Variants in FSHR observed in about 807,000 individuals in gnomAD.
FSHR encodes follicle-stimulating hormone receptor.
A neutral mutation model predicts 52.1 loss-of-function variants in FSHR; 46 were observed. The ratio of observed to expected loss-of-function variants is 0.88; its 90% CI spans 0.70 to 1.13. FSHR has a LOEUF of 1.13. FSHR is among the 50% of genes most tolerant of loss of function. The probability of loss-of-function intolerance (pLI) is 0.00; values close to 1 mark genes in which losing one functional copy is unlikely to be tolerated. For missense variants in FSHR, 964 were observed against 834.6 expected, an observed-to-expected ratio of 1.16 and a Z score of -1.91; for synonymous variants, 399 against 309.6, an observed-to-expected ratio of 1.29 and a Z score of -3.03.
chr2:49,083,812 G>T (rs1024071809), intron 1 of FSHR, among the ~76,000 whole-genome samples: 63 of 145,178 alleles, frequency 4.3e-4, no homozygotes, highest in African/African-American at 1.6e-3. Flanking sequence ...AAATATATAT[G>T]CACCCAATAC....
chr2:49,040,135 G>C (rs935762968), intron 2 of FSHR, among the ~76,000 whole-genome samples: 1 of 152,190 alleles, frequency 6.6e-6, no homozygotes, highest in Non-Finnish European at 1.5e-5. Context: ...ATATACTGGA[G>C]TTTGCTGCGC....
chr2:49,094,249 G>A (rs1670733033), intron 1 of FSHR, among the ~76,000 whole-genome samples: 1 of 152,052 alleles, frequency 6.6e-6, no homozygotes, highest in Non-Finnish European at 1.5e-5. Flanking sequence ...CCACCATTAA[G>A]CTCCTCCCTC....
chr2:49,112,126 C>T (rs962634774), intron 1 of FSHR, among the ~76,000 whole-genome samples: 7 of 152,074 alleles, frequency 4.6e-5, no homozygotes, highest in African/African-American at 7.2e-5. Context: ...TGTGAACTTC[C>T]TTTAATTGGA....
intron 4 of FSHR, among the ~76,000 whole-genome samples, chr2:49,003,020 A>G (rs917944): frequency 0.68 from 103,110 of 151,990 alleles, 36,577 homozygotes; most frequent in East Asian, 0.78. Flanking sequence ...TAGCACTGCT[A>G]TCTTTGAATT....
At chr2:49,080,322 G>T (rs1572716268) in intron 1 of FSHR, among the ~76,000 whole-genome samples, 1 of 152,120 alleles carries the variant, frequency 6.6e-6, no homozygotes, top group African/African-American at 2.4e-5. Context: ...GATACAAAAT[G>T]CCCTTGGACC....
intron 1 of FSHR, among the ~76,000 whole-genome samples, chr2:49,131,356 C>T (rs945733531): frequency 2.0e-5 from 3 of 152,212 alleles, no homozygotes; most frequent in African/African-American, 7.2e-5. Flanking sequence ...TTAAGTAAGT[C>T]AGAAACATAG....
chr2:48,995,775 C>T (rs1300865465), intron 4 of FSHR, among the ~76,000 whole-genome samples: 1 of 152,086 alleles, frequency 6.6e-6, no homozygotes, highest in Non-Finnish European at 1.5e-5. Context: ...AATACTTAAC[C>T]TACTGGAGTG....
chr2:48,990,766 T>C, intron 4 of FSHR, 129 bp from the exon 5 acceptor site: 1 of 708,514 alleles, frequency 1.4e-6, no homozygotes, highest in Non-Finnish European at 2.6e-6. Context: ...AAAGCCCGTA[T>C]ATACGTGAAT....
At chr2:49,129,257 C>G (rs1672176286) in intron 1 of FSHR, among the ~76,000 whole-genome samples, 1 of 152,100 alleles carries the variant, frequency 6.6e-6, no homozygotes, top group African/African-American at 2.4e-5. Context: ...CCATCAACAC[C>G]TATTGATTCT....
chr2:48,992,398 T>G (rs1313037670), intron 4 of FSHR, among the ~76,000 whole-genome samples: 1 of 152,134 alleles, frequency 6.6e-6, no homozygotes, highest in East Asian at 1.9e-4. Flanking sequence ...AATTTTGCCT[T>G]TTCCAAAATG....
chr2:49,013,821 A>T (rs2104198307), intron 4 of FSHR, among the ~76,000 whole-genome samples: 1 of 152,104 alleles, frequency 6.6e-6, no homozygotes, highest in South Asian at 2.1e-4. Context: ...CCTCAATGTG[A>T]TGATATTTAA....
intron 2 of FSHR, among the ~76,000 whole-genome samples, chr2:49,044,786 C>T (rs535029018): frequency 3.2e-4 from 48 of 152,296 alleles, no homozygotes; most frequent in Admixed American, 2.6e-3. Flanking sequence ...CTGACTTTTG[C>T]CCACCTCAGA....
chr2:49,077,264 C>T (rs961687695), intron 1 of FSHR, among the ~76,000 whole-genome samples: 1 of 152,218 alleles, frequency 6.6e-6, no homozygotes, highest in Admixed American at 6.5e-5. Flanking sequence ...TGTATCTTGA[C>T]TTTTGTGCTC....
At chr2:49,055,953 C>A (rs1483028044) in intron 2 of FSHR, among the ~76,000 whole-genome samples, 1 of 151,974 alleles carries the variant, frequency 6.6e-6, no homozygotes, top group South Asian at 2.1e-4. Context: ...AACATCATGA[C>A]AACATGCAAA....
intron 1 of FSHR, among the ~76,000 whole-genome samples, chr2:49,101,379 T>G (rs1158131652): frequency 6.6e-6 from 1 of 151,954 alleles, no homozygotes; most frequent in Non-Finnish European, 1.5e-5. Context: ...TAGATGGGGT[T>G]AAGGAGATTA....
chr2:49,142,496 G>T (rs1672722799), intron 1 of FSHR, among the ~76,000 whole-genome samples: 1 of 152,194 alleles, frequency 6.6e-6, no homozygotes, highest in Non-Finnish European at 1.5e-5. Context: ...AAGCACATTA[G>T]CTCCACAAGG....
At chr2:49,093,864 T>A (rs1670714280) in intron 1 of FSHR, among the ~76,000 whole-genome samples, 1 of 152,136 alleles carries the variant, frequency 6.6e-6, no homozygotes, top group African/African-American at 2.4e-5. Flanking sequence ...TCCAAATTGC[T>A]AGGATTATAG....
intron 4 of FSHR, among the ~76,000 whole-genome samples, chr2:49,016,564 G>T (rs1667496531): frequency 6.6e-6 from 1 of 152,228 alleles, no homozygotes; most frequent in Non-Finnish European, 1.5e-5. Flanking sequence ...ATCCAGAGTG[G>T]CCAACATCCA....
At chr2:49,061,517 T>C (rs1354723246) in intron 2 of FSHR, among the ~76,000 whole-genome samples, 2 of 146,798 alleles carry the variant, frequency 1.4e-5, no homozygotes, top group African/African-American at 2.5e-5. Flanking sequence ...TGATTCTAAA[T>C]ATATATATAT....
Sources: gnomAD v4.1 joint callset for allele counts (sites outside exome capture counted in the v4.1 genomes callset) on GRCh38, gnomAD v4.1.1 for gene constraint, MANE v1.5 for transcripts, NCBI Gene and HGNC (gene_info 2026-07-23, HGNC 2026-07-21) for gene names.